Variants in PTPRD observed in about 807,000 individuals in gnomAD.
PTPRD encodes protein tyrosine phosphatase receptor type D.
Under a neutral mutation model 214.5 loss-of-function variants are expected in PTPRD, and 34 were observed. That is an observed-to-expected ratio of 0.16 (90% CI 0.12 to 0.21). The LOEUF (loss-of-function observed/expected upper bound fraction) is 0.21. Among genes scored for constraint, PTPRD ranks in the 10% least tolerant of loss-of-function variants. PTPRD has a pLI of 1.00. For synonymous variants in PTPRD, 1,128 were observed against 845.7 expected, an observed-to-expected ratio of 1.33 and a Z score of -5.79; for missense variants, 2,545 against 2,398.7, an observed-to-expected ratio of 1.06 and a Z score of -1.27.
intron 3 of PTPRD, among the ~76,000 whole-genome samples, chr9:10,117,611 C>CTTTTTT (rs1278847805): frequency 3.2e-5 from 2 of 63,064 alleles, no homozygotes; most frequent in African/African-American, 1.2e-4. Context: ...TAAATCTCCC[C>CTTTTTT]GTTTTTTTTT....
At chr9:9,764,851 T>C (rs2098693380) in intron 6 of PTPRD, among the ~76,000 whole-genome samples, 1 of 152,106 alleles carries the variant, frequency 6.6e-6, no homozygotes, top group Non-Finnish European at 1.5e-5. Context: ...ACCTAGGAAA[T>C]GTTCTAGTTT....
chr9:8,878,994 C>G (rs1250233391), intron 11 of PTPRD, among the ~76,000 whole-genome samples: 2 of 152,206 alleles, frequency 1.3e-5, no homozygotes, highest in East Asian at 3.8e-4. Flanking sequence ...CTTTCCTGGT[C>G]AGTAACATGA....
chr9:8,956,061 C>G (rs1567224983), intron 11 of PTPRD, among the ~76,000 whole-genome samples: 1 of 151,894 alleles, frequency 6.6e-6, no homozygotes, highest in Non-Finnish European at 1.5e-5. Context: ...TGCAACAAAG[C>G]TGAATTATGG....
At chr9:8,495,780 TC>T (rs2097251872) in intron 26 of PTPRD, among the ~76,000 whole-genome samples, 1 of 152,164 alleles carries the variant, frequency 6.6e-6, no homozygotes, top group South Asian at 2.1e-4. Flanking sequence ...GCACTGGCAA[TC>T]CCATGAGAAC....
At chr9:8,859,139 C>T (rs2098038344) in intron 11 of PTPRD, among the ~76,000 whole-genome samples, 1 of 152,212 alleles carries the variant, frequency 6.6e-6, no homozygotes, top group Non-Finnish European at 1.5e-5. Context: ...TTGAAGGCAA[C>T]GAGGAAGACT....
intron 3 of PTPRD, among the ~76,000 whole-genome samples, chr9:10,217,180 T>A (rs558316651): frequency 8.0e-4 from 122 of 151,966 alleles, no homozygotes; most frequent in Middle Eastern, 3.4e-3. Context: ...AGAAGTTGTA[T>A]TTACTTGTGA....
chr9:10,543,736 G>A (rs1486876998), intron 2 of PTPRD, among the ~76,000 whole-genome samples: 4 of 152,166 alleles, frequency 2.6e-5, no homozygotes, highest in Admixed American at 2.6e-4. Flanking sequence ...GGTTGGCTCT[G>A]GTGCCAAGAG....
At chr9:10,048,462 T>A (rs910574148) in intron 3 of PTPRD, among the ~76,000 whole-genome samples, 1 of 152,142 alleles carries the variant, frequency 6.6e-6, no homozygotes, top group Non-Finnish European at 1.5e-5. Context: ...ACCATTGCTA[T>A]CTGGATTCAT....
intron 10 of PTPRD, among the ~76,000 whole-genome samples, chr9:9,106,524 A>G (rs1010110416): frequency 1.3e-5 from 2 of 150,614 alleles, no homozygotes; most frequent in African/African-American, 2.4e-5. Flanking sequence ...GAGGTCACAT[A>G]GAAATACCAC....
chr9:9,960,988 C>G (rs969262142), intron 4 of PTPRD, among the ~76,000 whole-genome samples: 5 of 151,936 alleles, frequency 3.3e-5, no homozygotes, highest in Non-Finnish European at 7.4e-5. Flanking sequence ...ACCCCATCAA[C>G]AAGTGGGTGA....
intron 5 of PTPRD, among the ~76,000 whole-genome samples, chr9:9,907,526 T>C (rs1374648119): frequency 6.6e-6 from 1 of 152,010 alleles, no homozygotes; most frequent in East Asian, 1.9e-4. Flanking sequence ...ATATCACTGA[T>C]GTCTATTCTT....
At chr9:8,437,845 A>C (rs989631211) in intron 34 of PTPRD, among the ~76,000 whole-genome samples, 3 of 152,250 alleles carry the variant, frequency 2.0e-5, no homozygotes, top group Non-Finnish European at 4.4e-5. Context: ...GATTCCATGA[A>C]AAATAATCCA....
At position 10,050,735 on chromosome 9, in the gene PTPRD, C is replaced by T. The variant is rs114137809; in HGVS notation, c.-544-16945G>A. On this transcript the variant is annotated intron_variant, in intron 3 of 45. Coordinates refer to ENST00000381196, the MANE Select transcript of PTPRD (RefSeq NM_002839.4). ...AACAATAAGACAAATATCCATGGAA[C>T]TCTCCCAAATGTATATCCTTACCTT... Among the ~76,000 whole-genome samples, 1,064 of 151,974 alleles carry T rather than the reference C, an allele frequency of 7.0e-3. 4 individuals carry two copies. The highest frequency in any genetic ancestry group is 0.024 in the African/African-American group (976 of 41,434).
chr9:8,898,460 G>A (rs1394915393), intron 11 of PTPRD, among the ~76,000 whole-genome samples: 3 of 152,114 alleles, frequency 2.0e-5, no homozygotes, highest in Non-Finnish European at 4.4e-5. Context: ...TTTATACAAT[G>A]TAGGTGGCAA....
At chr9:8,963,539 C>T (rs1190595907) in intron 11 of PTPRD, among the ~76,000 whole-genome samples, 1 of 152,160 alleles carries the variant, frequency 6.6e-6, no homozygotes, top group Admixed American at 6.5e-5. Flanking sequence ...TTTTTTAATT[C>T]TGTTTATGTG....
chr9:10,120,107 A>T (rs2098763172), intron 3 of PTPRD, among the ~76,000 whole-genome samples: 1 of 152,058 alleles, frequency 6.6e-6, no homozygotes, highest in Admixed American at 6.6e-5. Context: ...TGCATAAGAA[A>T]ACAAAATAAA....
At chr9:8,564,572 C>A (rs576036285) in intron 14 of PTPRD, among the ~76,000 whole-genome samples, 2 of 151,976 alleles carry the variant, frequency 1.3e-5, no homozygotes, top group Non-Finnish European at 2.9e-5. Flanking sequence ...TGTGGTAGTG[C>A]GTGCCTGTAA....
At chr9:9,351,515 C>T (rs781651269) in intron 9 of PTPRD, among the ~76,000 whole-genome samples, 4 of 151,976 alleles carry the variant, frequency 2.6e-5, no homozygotes, top group East Asian at 1.9e-4. Flanking sequence ...CAGGTGTTCA[C>T]GTGAACCTTC....
intron 43 of PTPRD, among the ~76,000 whole-genome samples, chr9:8,332,195 TCCAGA>T (rs1219348139): frequency 2.0e-5 from 3 of 152,128 alleles, no homozygotes; most frequent in African/African-American, 7.2e-5. Context: ...AGGCATGTCA[TCCAGA>T]CCAGAGCTTT....
Sources: allele counts gnomAD v4.1 joint callset (sites outside exome capture counted in the v4.1 genomes callset), GRCh38; gene constraint gnomAD v4.1.1; transcripts MANE v1.5; gene names NCBI Gene and HGNC (gene_info 2026-07-23, HGNC 2026-07-21).